Variants in SLC22A3 observed in about 807,000 individuals in gnomAD.
SLC22A3 encodes the protein EMT organic cation transporter 3.
In SLC22A3, 51 loss-of-function variants were observed where a neutral mutation model predicts 59.1. That is an observed-to-expected ratio of 0.86 (90% CI 0.69 to 1.09). The LOEUF (loss-of-function observed/expected upper bound fraction) is 1.09. Among genes scored for constraint, SLC22A3 ranks in the 50% least tolerant of loss-of-function variants. The pLI is 0.00. For synonymous variants in SLC22A3, 325 were observed against 292.0 expected (o/e 1.11, Z -1.15); for missense variants, 711 against 726.3 (o/e 0.98, Z 0.24).
intron 1 of SLC22A3, among the ~76,000 whole-genome samples, chr6:160,364,984 C>T (rs755214558): frequency 2.6e-5 from 4 of 151,678 alleles, no homozygotes; most frequent in Non-Finnish European, 5.9e-5. Flanking sequence ...GATTTTTTTA[C>T]TATGTAAAAA....
chr6:160,445,857 C>T (rs531012195), intron 9 of SLC22A3, among the ~76,000 whole-genome samples: 1 of 152,272 alleles, frequency 6.6e-6, no homozygotes, highest in East Asian at 1.9e-4. Context: ...TAATTTGAGG[C>T]ACCTGGAAGA....
At chr6:160,392,322 C>G (rs182398328) in intron 1 of SLC22A3, among the ~76,000 whole-genome samples, 22 of 152,320 alleles carry the variant, frequency 1.4e-4, no homozygotes, top group African/African-American at 5.1e-4. Flanking sequence ...TCTGGTCCAA[C>G]CTTCTTCAAG....
At chr6:160,363,214 G>C (rs1024260511) in intron 1 of SLC22A3, among the ~76,000 whole-genome samples, 4 of 152,260 alleles carry the variant, frequency 2.6e-5, no homozygotes, top group African/African-American at 9.6e-5. Context: ...GGAAGAGCAG[G>C]TGGGAGTTCC....
chr6:160,405,747 G>T (rs1344464407), intron 2 of SLC22A3, among the ~76,000 whole-genome samples: 4 of 152,088 alleles, frequency 2.6e-5, no homozygotes, highest in African/African-American at 9.7e-5. Flanking sequence ...ATGCTGAAAA[G>T]AAATGAGCTA....
At chr6:160,424,104 C>T in intron 5 of SLC22A3, among the ~76,000 whole-genome samples, 1 of 152,144 alleles carries the variant, frequency 6.6e-6, no homozygotes, top group East Asian at 1.9e-4. Flanking sequence ...TTCTTGTTAA[C>T]ACATTCTTGT....
At chr6:160,364,075 A>C (rs1024122523) in intron 1 of SLC22A3, among the ~76,000 whole-genome samples, 6 of 152,298 alleles carry the variant, frequency 3.9e-5, no homozygotes, top group Non-Finnish European at 8.8e-5. Context: ...TGTATAATAG[A>C]GGGAGAACAT....
In SLC22A3 at chr6:160,348,425, C is replaced by G. The variant is rs776122296; in HGVS notation, c.6C>G (p.Pro2=). 2.7e-6 allele frequency: 4 copies of G among 1,498,922 alleles called. No homozygotes were observed. The highest frequency in any genetic ancestry group is 3.5e-6 in the Non-Finnish European group (4 of 1,128,346). 92.9% of individuals were successfully genotyped at this position (1,498,922 alleles called of 1,614,324 possible). The stretch of plus-strand genomic sequence containing the variant: ...CGGCGGGCGGCGGGCGCACCATGCC[C>G]TCCTTCGACGAGGCGCTGCAGCGGG... The part of the protein sequence containing the change: M[P]SFDEALQRVG... Residue 2 remains proline, a synonymous_variant, in exon 1 of 11, where the codon CCC becomes CCG. Coordinates refer to ENST00000275300, the MANE Select transcript of SLC22A3 (RefSeq NM_021977.4).
intron 5 of SLC22A3, among the ~76,000 whole-genome samples, chr6:160,433,515 T>TCTACTACTA (rs3066966): frequency 0.29 from 41,901 of 146,668 alleles, 6,117 homozygotes; most frequent in East Asian, 0.33. Flanking sequence ...AGACCCTGTC[T>TCTACTACTA]CTACTACTAC....
intron 9 of SLC22A3, among the ~76,000 whole-genome samples, chr6:160,446,666 T>C (rs1788757320): frequency 6.6e-6 from 1 of 152,206 alleles, no homozygotes; most frequent in South Asian, 2.1e-4. Context: ...TTTGGGTGGA[T>C]AGACAGAGCC....
intron 4 of SLC22A3, among the ~76,000 whole-genome samples, chr6:160,410,085 C>G (rs776585278): frequency 6.6e-6 from 1 of 152,180 alleles, no homozygotes; most frequent in East Asian, 1.9e-4. Flanking sequence ...GGTGCGATCT[C>G]GGCTCACTGC....
chr6:160,352,204 A>C (rs1393369792), intron 1 of SLC22A3, among the ~76,000 whole-genome samples: 4 of 152,214 alleles, frequency 2.6e-5, no homozygotes, highest in Admixed American at 2.6e-4. Context: ...TTACAACTTG[A>C]GATAGTTCTA....
At chr6:160,424,244 T>A (rs1787867500) in intron 5 of SLC22A3, among the ~76,000 whole-genome samples, 1 of 152,212 alleles carries the variant, frequency 6.6e-6, no homozygotes, top group African/African-American at 2.4e-5. Flanking sequence ...GTCTGTTGAA[T>A]GAATTAATAC....
chr6:160,399,963 A>C (rs1786696418), intron 2 of SLC22A3, among the ~76,000 whole-genome samples: 1 of 152,034 alleles, frequency 6.6e-6, no homozygotes. Context: ...AACCTCCTTG[A>C]GAGAGCCAGG....
chr6:160,410,663 C>A, intron 4 of SLC22A3, 66 bp from the exon 5 acceptor site: 1 of 993,128 alleles, frequency 1.0e-6, no homozygotes, highest in Non-Finnish European at 1.6e-6. Flanking sequence ...TAGAAAAACT[C>A]AAGGCAATAG....
chr6:160,395,153 C>T (rs1473581218), intron 1 of SLC22A3, among the ~76,000 whole-genome samples: 2 of 152,110 alleles, frequency 1.3e-5, no homozygotes, highest in African/African-American at 4.8e-5. Context: ...TAAATTGATT[C>T]TTATTTAAAT....
At chr6:160,438,821 G>A (rs566904086) in intron 7 of SLC22A3, among the ~76,000 whole-genome samples, 19 of 152,142 alleles carry the variant, frequency 1.2e-4, no homozygotes, top group South Asian at 2.1e-4. Flanking sequence ...GGCATCCAAG[G>A]GTGCTTATGT....
At chr6:160,358,078 A>T (rs1784900344) in intron 1 of SLC22A3, among the ~76,000 whole-genome samples, 1 of 152,394 alleles carries the variant, frequency 6.6e-6, no homozygotes, top group East Asian at 1.9e-4. Flanking sequence ...AGAGATCATT[A>T]GATAATAACA....
chr6:160,393,510 A>G (rs549113345), intron 1 of SLC22A3, among the ~76,000 whole-genome samples: 23 of 141,588 alleles, frequency 1.6e-4, no homozygotes, highest in African/African-American at 5.6e-4. Flanking sequence ...TCATTGTTCA[A>G]TTCCCACCTA....
intron 10 of SLC22A3, among the ~76,000 whole-genome samples, chr6:160,450,428 C>T (rs533340699): frequency 6.6e-6 from 1 of 152,252 alleles, no homozygotes; most frequent in South Asian, 2.1e-4. Context: ...CTGAAAATCG[C>T]TGTTACTCTG....
Sources: gnomAD v4.1 joint callset for allele counts (sites outside exome capture counted in the v4.1 genomes callset) on GRCh38, gnomAD v4.1.1 for gene constraint, MANE v1.5 for transcripts, NCBI Gene and HGNC (gene_info 2026-07-23, HGNC 2026-07-21) for gene names.